Variants in TPR observed in about 807,000 individuals in gnomAD.
The protein encoded by TPR is nucleoprotein TPR.
Under a neutral mutation model 316.1 loss-of-function variants are expected in TPR, and 51 were observed. The ratio of observed to expected loss-of-function variants is 0.16; its 90% confidence interval spans 0.13 to 0.20. TPR has a LOEUF of 0.20. Ranked by LOEUF, TPR falls within the 10% of genes least tolerant of loss-of-function variation. The probability of loss-of-function intolerance (pLI) is 1.00; values close to 1 mark genes in which losing one functional copy is unlikely to be tolerated. For missense variants in TPR, 2,272 were observed against 2,754.8 expected (o/e 0.82, Z 3.92); for synonymous variants, 981 against 914.7 (o/e 1.07, Z -1.31).
rs113615383 is a variant in TPR, at chr1:186,327,925, G to A, written c.5689-265C>T. Among the ~76,000 whole-genome samples, 126 of 152,026 alleles carry A rather than the reference G, an allele frequency of 8.3e-4. 2 individuals are homozygous for A. The highest frequency in any genetic ancestry group is 2.9e-3 in the African/African-American group (119 of 41,472). On this transcript the variant is annotated intron_variant, in intron 39 of 50. Transcript: ENST00000367478. The stretch of plus-strand genomic sequence containing the variant: ...AGCCTCCTGAGTAGCTGGGACTATA[G>A]GCACCACCCCACGAAGTCTGGCTAA...
intron 9 of TPR, 152 bp from the exon 10 acceptor site, chr1:186,361,057 T>C (rs1332832193): frequency 1.2e-6 from 1 of 836,486 alleles, no homozygotes; most frequent in South Asian, 2.0e-5. Flanking sequence ...GTTCTTGCTC[T>C]ACTTATAATT....
At chr1:186,331,351 C>T in intron 39 of TPR, 147 bp downstream of exon 39, 1 of 539,084 alleles carries the variant, frequency 1.9e-6, no homozygotes. Context: ...AGAAAGCAGA[C>T]TCTGCAATGA....
rs1407145723 is a variant in TPR, at chr1:186,331,525, G to C, written c.5661C>G (p.Asn1887Lys). The change falls in exon 39 of 51, where the codon AAC (asparagine) becomes AAG (lysine). Residue 1887 changes from asparagine to lysine, a missense_variant. Asn to Lys is a moderately conservative substitution (Grantham distance 94). This residue lies in a region of TPR where 435 missense variants were observed against 461.1 expected (regional missense o/e 0.94). Coordinates refer to ENST00000367478, the MANE Select transcript of TPR (RefSeq NM_003292.3). ...CTCCAATGGAATCTTGAGAATCCTG[G>C]TTGTATACCTGAGTCTCTACCTCTC... Reference protein sequence around the residue: ...TDGEVETQVYNQDSQDSIGEG... With the variant: ...TDGEVETQVYKQDSQDSIGEG... The C allele has an allele frequency of 6.2e-7, 1 of 1,608,364 alleles. No individual in the cohort carries two copies. The highest frequency in any genetic ancestry group is 1.1e-5 in the South Asian group (1 of 90,264).
At position 186,346,457 on chromosome 1, in the gene TPR, C is replaced by A. The variant is rs1163252686; in HGVS notation, c.2944-170G>T. ...GAAGATTCAACAACAAGCAAAAACA[C>A]CATATAAATCTACAAGCATTTACCA... On this transcript the variant is annotated intron_variant, in intron 22 of 50. Coordinates refer to ENST00000367478, the MANE Select transcript of TPR (RefSeq NM_003292.3). Among the ~76,000 whole-genome samples, 8 of 152,192 alleles carry A rather than the reference C, an allele frequency of 5.3e-5. No homozygotes were observed. In the East Asian group the frequency reaches 1.2e-3, roughly 22 times the overall value.
intron 32 of TPR, 83 bp from the exon 33 acceptor site, chr1:186,336,777 TATTA>T (rs1458495880): frequency 1.4e-6 from 2 of 1,443,670 alleles, no homozygotes; most frequent in African/African-American, 2.9e-5. Context: ...AAGTATAACT[TATTA>T]ATTTGCTTTT....
rs114848638 is a variant in TPR at position 186,344,292 on chromosome 1, C to T, written c.3417+83G>A. 2,479 of 1,498,790 alleles carry T rather than the reference C, an allele frequency of 1.7e-3. 35 individuals carry two copies. In the African/African-American group the frequency reaches 0.025, roughly 15 times the overall value. 92.8% of individuals were successfully genotyped at this position (1,498,790 alleles called of 1,614,324 possible). A position where few individuals can be genotyped will look rare whatever the true frequency, so the allele number is the denominator to read the frequency against. On this transcript the variant is annotated intron_variant, in intron 25 of 50. Transcript: ENST00000367478. ...CTCCAGCATGGGTGACAGAGCGAGG[C>T]TCCATCTCAAAACATTATAAAATAA...
In TPR at chr1:186,360,181, TA is replaced by T. The variant is rs1166755575; in HGVS notation, c.1191+91del. 7 of 1,446,104 alleles carry T rather than the reference TA, an allele frequency of 4.8e-6. No homozygotes were observed. The African/African-American group carries it at 1.0e-4, about 21-fold the overall frequency. 89.6% of individuals were successfully genotyped at this position (1,446,104 alleles called of 1,614,324 possible). On this transcript the variant is annotated intron_variant, in intron 11 of 50. Coordinates refer to ENST00000367478, the MANE Select transcript of TPR (RefSeq NM_003292.3). ...TGATCCACTAATTATAAGATGATTT[TA>T]AAAATAAGTTTTGGGAGAATTAAAT...
At chr1:186,318,340 A>T (rs1265293088) in intron 48 of TPR, 107 bp downstream of exon 48, 9 of 1,386,988 alleles carry the variant, frequency 6.5e-6, no homozygotes, top group Non-Finnish European at 8.7e-6. Flanking sequence ...AAAAAAAAAC[A>T]AAAAAAAACA....
chr1:186,318,974 C>T (rs888183864), intron 46 of TPR, 146 bp from the exon 47 acceptor site: 4 of 788,068 alleles, frequency 5.1e-6, no homozygotes, highest in Non-Finnish European at 7.9e-6. Flanking sequence ...AGCAAAAATC[C>T]ATCTCTCAAA....
chr1:186,344,851 C>A (rs1392607888), intron 24 of TPR, among the ~76,000 whole-genome samples: 2 of 152,022 alleles, frequency 1.3e-5, no homozygotes, highest in African/African-American at 4.8e-5. Context: ...AATTATAGAT[C>A]CATTGATTTT....
rs1387018937 is a variant in TPR at position 186,373,024 on chromosome 1, T to C, written c.256+335A>G. Among the ~76,000 whole-genome samples, 3 of 152,232 alleles carry C rather than the reference T, an allele frequency of 2.0e-5. No individual in the cohort carries two copies. The East Asian group carries it at 5.8e-4, about 29-fold the overall frequency. ...CTTTTTAAAAAGATTTCAAGAACTCTTATCTCATTTGATTTACAAAGCTGT... is the reference window on the plus strand; with the variant it reads ...CTTTTTAAAAAGATTTCAAGAACTCCTATCTCATTTGATTTACAAAGCTGT... On this transcript the variant is annotated intron_variant, in intron 2 of 50. Transcript: ENST00000367478.
chr1:186,330,689 A>C (rs1455404086), intron 39 of TPR, among the ~76,000 whole-genome samples: 1 of 152,088 alleles, frequency 6.6e-6, no homozygotes, highest in Non-Finnish European at 1.5e-5. Flanking sequence ...AAGACAGAAC[A>C]CCTTTGGTCC....
intron 2 of TPR, among the ~76,000 whole-genome samples, chr1:186,372,035 T>C (rs946097673): frequency 2.0e-5 from 3 of 152,206 alleles, no homozygotes; most frequent in African/African-American, 4.8e-5. Flanking sequence ...ACTACATAGA[T>C]AATGAACCAG....
intron 29 of TPR, 144 bp downstream of exon 29, chr1:186,340,884 T>A: frequency 9.9e-7 from 1 of 1,013,010 alleles, no homozygotes; most frequent in South Asian, 2.1e-5. Context: ...TGTCACGTAT[T>A]TACATGTATT....
At chr1:186,332,157 T>C (rs771907404) in intron 38 of TPR, 38 bp downstream of exon 38, 5 of 1,579,986 alleles carry the variant, frequency 3.2e-6, no homozygotes, top group East Asian at 4.5e-5. Context: ...TTAACTCTAC[T>C]GGTAAAAGTT....
intron 31 of TPR, 33 bp downstream of exon 31, chr1:186,338,000 T>C (rs1441013429): frequency 2.8e-6 from 4 of 1,444,844 alleles, no homozygotes; most frequent in South Asian, 2.7e-5. Flanking sequence ...TTCATCCTAG[T>C]TTTTTTTTGT....
chr1:186,314,699 A>G lies in TPR; in HGVS notation c.6966T>C (p.Pro2322=), dbSNP rs771990372. 1 of 1,612,710 alleles carries G rather than the reference A, an allele frequency of 6.2e-7. No homozygotes were observed. Among genetic ancestry groups the G allele is most frequent in the Non-Finnish European group, 8.5e-7 (1 of 1,179,208 alleles). The stretch of plus-strand genomic sequence containing the variant: ...TTGTCTGAAGTCTTACTCGTCTGAA[A>G]GGCTTTGGTTGACTACTACTAGTAT... ...SVDTSSSQPK[P]FRRVRLQTTL... is the part of the protein sequence containing the mutation. The change falls in exon 50 of 51, where the codon CCT becomes CCC. Residue 2322 remains proline (P), a synonymous_variant. Coordinates refer to ENST00000367478, the MANE Select transcript of TPR (RefSeq NM_003292.3).
At chr1:186,361,733 A>G in intron 8 of TPR, 24 bp from the exon 9 acceptor site, 2 of 1,613,300 alleles carry the variant, frequency 1.2e-6, no homozygotes, top group Non-Finnish European at 1.7e-6. Context: ...TTAAAAAGTT[A>G]CCTAACAGTC....
At chr1:186,326,047 C>A (rs1028108113) in intron 41 of TPR, 57 bp downstream of exon 41, 11 of 1,605,024 alleles carry the variant, frequency 6.9e-6, no homozygotes, top group Non-Finnish European at 8.5e-6. Context: ...TGGAAAACAG[C>A]AAGTGAAAGA....
Sources: allele counts gnomAD v4.1 joint callset (sites outside exome capture counted in the v4.1 genomes callset), GRCh38; gene constraint gnomAD v4.1.1; regional missense constraint gnomAD v4.1.1; transcripts MANE v1.5; gene names NCBI Gene and HGNC (gene_info 2026-07-23, HGNC 2026-07-21).